Variants in KCNMA1 observed in about 807,000 individuals in gnomAD.
The protein encoded by KCNMA1 is Calcium-activated potassium channel subunit alpha-1.
A neutral mutation model predicts 140.0 loss-of-function variants in KCNMA1; 29 were observed. The ratio of observed to expected loss-of-function variants is 0.21; its 90% CI spans 0.15 to 0.28. KCNMA1 has a LOEUF of 0.28. KCNMA1 is among the 10% of genes least tolerant of loss of function. KCNMA1 has a pLI of 1.00. For synonymous variants in KCNMA1, 612 were observed against 611.9 expected, an observed-to-expected ratio of 1.00 and a Z score of 0.00; for missense variants, 880 against 1,602.2, an observed-to-expected ratio of 0.55 and a Z score of 7.70.
intron 1 of KCNMA1, among the ~76,000 whole-genome samples, chr10:77,513,268 T>C (rs2154548878): frequency 6.6e-6 from 1 of 152,110 alleles, no homozygotes; most frequent in South Asian, 2.1e-4. Context: ...TTCCCCCAAA[T>C]TTCCTCCTGG....
intron 1 of KCNMA1, among the ~76,000 whole-genome samples, chr10:77,430,852 G>A (rs565606163): frequency 1.3e-5 from 2 of 152,278 alleles, no homozygotes; most frequent in South Asian, 2.1e-4. Flanking sequence ...ATTAAGTTAG[G>A]TGGAAGGAAT....
chr10:76,993,959 A>G (rs1414479484), intron 19 of KCNMA1, among the ~76,000 whole-genome samples: 1 of 152,218 alleles, frequency 6.6e-6, no homozygotes, highest in Non-Finnish European at 1.5e-5. Flanking sequence ...TTTCATTACC[A>G]GAATCCTCAC....
At chr10:77,636,164 G>T (rs2093700769) in intron 1 of KCNMA1, 1 of 1,397,518 alleles carries the variant, frequency 7.2e-7, no homozygotes, top group Non-Finnish European at 9.3e-7. Context: ...CCTAGGATGG[G>T]AATTACTCAG....
At chr10:77,455,746 C>A (rs914765884) in intron 1 of KCNMA1, among the ~76,000 whole-genome samples, 2 of 152,164 alleles carry the variant, frequency 1.3e-5, no homozygotes, top group Admixed American at 6.5e-5. Flanking sequence ...AAATGACCAG[C>A]CCCTGGGCCA....
chr10:77,282,343 C>G (rs761958544), intron 2 of KCNMA1, among the ~76,000 whole-genome samples: 1 of 152,164 alleles, frequency 6.6e-6, no homozygotes, highest in Non-Finnish European at 1.5e-5. Flanking sequence ...TGTGCCACCA[C>G]GTGGACTTTG....
At chr10:77,515,733 C>T (rs544118740) in intron 1 of KCNMA1, among the ~76,000 whole-genome samples, 1 of 147,596 alleles carries the variant, frequency 6.8e-6, no homozygotes, top group African/African-American at 2.6e-5. Flanking sequence ...TGCCTCCCCA[C>T]CCAGGGCTAA....
At chr10:77,512,943 G>A (rs1005414187) in intron 1 of KCNMA1, among the ~76,000 whole-genome samples, 1 of 152,050 alleles carries the variant, frequency 6.6e-6, no homozygotes, top group African/African-American at 2.4e-5. Context: ...TTCCACTCCT[G>A]CCCTTACTCC....
At chr10:77,516,461 A>G (rs1413177432) in intron 1 of KCNMA1, among the ~76,000 whole-genome samples, 4 of 152,208 alleles carry the variant, frequency 2.6e-5, no homozygotes, top group Non-Finnish European at 4.4e-5. Flanking sequence ...ACCTAACCCA[A>G]TGAGGGCAGG....
At chr10:77,030,960 C>T (rs2153540958) in intron 15 of KCNMA1, among the ~76,000 whole-genome samples, 1 of 152,326 alleles carries the variant, frequency 6.6e-6, no homozygotes, top group South Asian at 2.1e-4. Flanking sequence ...AGAACATAGG[C>T]AAGCCGTGCC....
chr10:76,888,571 A>T (rs1269679035), intron 27 of KCNMA1, among the ~76,000 whole-genome samples: 2 of 152,124 alleles, frequency 1.3e-5, no homozygotes, highest in African/African-American at 2.4e-5. Context: ...TAATTCTAGG[A>T]TGTACTTTTA....
intron 1 of KCNMA1, among the ~76,000 whole-genome samples, chr10:77,514,547 C>T (rs1403331859): frequency 6.6e-6 from 1 of 152,210 alleles, no homozygotes; most frequent in Non-Finnish European, 1.5e-5. Context: ...AGCTGGCCCC[C>T]AGGCTTCCCA....
At chr10:77,326,280 C>T (rs1036251380) in intron 2 of KCNMA1, among the ~76,000 whole-genome samples, 2 of 152,342 alleles carry the variant, frequency 1.3e-5, no homozygotes, top group South Asian at 2.1e-4. Context: ...CCACAAGTCT[C>T]ACCACCATGA....
At chr10:76,874,986 G>A (rs2032093475), downstream of KCNMA1, 1 of 152,178 alleles carries the variant, frequency 6.6e-6, no homozygotes, top group South Asian at 2.1e-4. Flanking sequence ...TCATAATGTG[G>A]ACTGTACCAA....
intron 5 of KCNMA1, among the ~76,000 whole-genome samples, chr10:77,183,117 T>C (rs2098815954): frequency 6.6e-6 from 1 of 152,152 alleles, no homozygotes; most frequent in Non-Finnish European, 1.5e-5. Flanking sequence ...CAGTCCTGAC[T>C]CTAAGTTCCT....
chr10:76,987,709 G>A (rs1430545124), intron 19 of KCNMA1, among the ~76,000 whole-genome samples: 1 of 152,202 alleles, frequency 6.6e-6, no homozygotes, highest in Non-Finnish European at 1.5e-5. Flanking sequence ...CCAGAAATGT[G>A]TAAAGTAATG....
Position 77,403,907 on chromosome 10 carries a change from C to T in KCNMA1, c.495G>A (p.Trp165Ter). ...TCTGGGCGGATATCATCACCCCCGC[C>T]CAGTCCTTCACGGAGGTCATCCAGC... ...EVGWMTSVKD[W>*]AGVMISAQTL... The change falls in exon 2 of 28, where the codon TGG becomes TGA. Residue 165 changes from tryptophan to a stop codon, truncating the protein, a stop_gained. Transcript: ENST00000286628. LOFTEE classifies it high-confidence loss of function. The T allele has an allele frequency of 6.2e-7, 1 of 1,614,144 alleles. No homozygotes were observed. Among genetic ancestry groups the T allele is most frequent in the East Asian group, 2.2e-5 (1 of 44,868 alleles).
At chr10:77,511,107 G>A (rs1567239036) in intron 1 of KCNMA1, among the ~76,000 whole-genome samples, 1 of 152,224 alleles carries the variant, frequency 6.6e-6, no homozygotes, top group Non-Finnish European at 1.5e-5. Flanking sequence ...AAAATTCATA[G>A]AGCATGAGAA....
chr10:77,178,463 T>C (rs2098772914), intron 5 of KCNMA1, among the ~76,000 whole-genome samples: 1 of 152,060 alleles, frequency 6.6e-6, no homozygotes, highest in African/African-American at 2.4e-5. Context: ...TCCCAGCACT[T>C]TGGGAGGCTG....
chr10:77,345,397 T>C (rs539556068), intron 2 of KCNMA1, among the ~76,000 whole-genome samples: 2 of 152,282 alleles, frequency 1.3e-5, no homozygotes, highest in East Asian at 3.9e-4. Flanking sequence ...TCTGAAATCA[T>C]GGACTGAGTA....
Sources: gnomAD v4.1 joint callset for allele counts (sites outside exome capture counted in the v4.1 genomes callset) on GRCh38, gnomAD v4.1.1 for gene constraint, MANE v1.5 for transcripts, NCBI Gene and HGNC (gene_info 2026-07-23, HGNC 2026-07-21) for gene names.